DIAPH3: variants seen among roughly 807,000 people sequenced by gnomAD.
DIAPH3 encodes the protein diaphanous related formin 3, also known as protein diaphanous homolog 3.
Under a neutral mutation model 144.3 loss-of-function variants are expected in DIAPH3, and 117 were observed. The ratio of observed to expected loss-of-function variants is 0.81; its 90% CI spans 0.70 to 0.95. DIAPH3 has a LOEUF of 0.95. Ranked by LOEUF, DIAPH3 falls within the 40% of genes least tolerant of loss-of-function variation. The pLI, the probability that DIAPH3 is intolerant of heterozygous loss-of-function variation, is 0.00. For missense variants in DIAPH3, 1,421 were observed against 1,412.7 expected (o/e 1.01, Z -0.09); for synonymous variants, 519 against 488.9 (o/e 1.06, Z -0.81).
intron 27 of DIAPH3, among the ~76,000 whole-genome samples, chr13:59,668,348 C>G (rs764232332): frequency 5.9e-5 from 9 of 152,178 alleles, no homozygotes; most frequent in Non-Finnish European, 1.3e-4. Context: ...CTGCTCCTTC[C>G]CCAAAATGTT....
chr13:59,990,679 C>T (rs1296329036), intron 12 of DIAPH3, among the ~76,000 whole-genome samples: 1 of 151,870 alleles, frequency 6.6e-6, no homozygotes, highest in African/African-American at 2.4e-5. Flanking sequence ...TTGTTAACCT[C>T]AGATGGCTAG....
At chr13:59,974,570 G>A (rs975885095) in intron 14 of DIAPH3, 114 bp from the exon 15 acceptor site, 1 of 951,540 alleles carries the variant, frequency 1.1e-6, no homozygotes, top group African/African-American at 1.7e-5. Flanking sequence ...TTCCTGAATT[G>A]GTTTTATGAA....
chr13:59,789,061 C>T (rs151120720), intron 25 of DIAPH3, among the ~76,000 whole-genome samples: 3 of 152,268 alleles, frequency 2.0e-5, no homozygotes, highest in East Asian at 1.9e-4. Context: ...CTACCACAGT[C>T]GACCTTGTGT....
intron 24 of DIAPH3, among the ~76,000 whole-genome samples, chr13:59,826,088 T>A (rs1238198422): frequency 2.0e-5 from 3 of 152,064 alleles, no homozygotes; most frequent in South Asian, 2.1e-4. Flanking sequence ...TGAATGGGAA[T>A]AAACTGGAAG....
At chr13:60,082,930 T>C (rs1161264498) in intron 4 of DIAPH3, among the ~76,000 whole-genome samples, 1 of 152,098 alleles carries the variant, frequency 6.6e-6, no homozygotes, top group African/African-American at 2.4e-5. Context: ...AAATAAAAAC[T>C]TTTTACATAC....
At position 59,970,012 on chromosome 13, in the gene DIAPH3, T is replaced by A. The variant is rs1284612057; in HGVS notation, c.2006A>T (p.Asn669Ile). 1 of 1,609,134 alleles carries A rather than the reference T, an allele frequency of 6.2e-7. No homozygotes were observed. Among genetic ancestry groups the A allele is most frequent in the Admixed American group, 1.7e-5 (1 of 59,748 alleles). ...ATCCACGTTTTCATACTTATTTTCA[T>A]TTACTTTTATCCAGAAACAGTTTTC... ...MTENCFWIKV[N>I]ENKYENVDLL... is the part of the protein sequence containing the mutation. Residue 669 changes from asparagine to isoleucine, a missense_variant, in exon 17 of 28, where the codon AAT (asparagine) becomes ATT (isoleucine). Coordinates refer to ENST00000400324, the MANE Select transcript of DIAPH3 (RefSeq NM_001042517.2).
chr13:59,846,568 A>G (rs1260312902), intron 22 of DIAPH3, among the ~76,000 whole-genome samples: 1 of 152,180 alleles, frequency 6.6e-6, no homozygotes, highest in Non-Finnish European at 1.5e-5. Flanking sequence ...AAGTTAAAAT[A>G]ATAAAATTGT....
intron 27 of DIAPH3, among the ~76,000 whole-genome samples, chr13:59,690,450 C>G (rs2033449676): frequency 6.6e-6 from 1 of 152,060 alleles, no homozygotes; most frequent in Non-Finnish European, 1.5e-5. Context: ...ATAATTTGCC[C>G]TAGACTGCAT....
chr13:59,794,601 C>T (rs552625380), intron 25 of DIAPH3, among the ~76,000 whole-genome samples: 1 of 151,954 alleles, frequency 6.6e-6, no homozygotes, highest in African/African-American at 2.4e-5. Flanking sequence ...TTTTTTTCTT[C>T]AATGCCACAT....
At chr13:60,040,581 T>C (rs999724944) in intron 5 of DIAPH3, among the ~76,000 whole-genome samples, 3 of 152,150 alleles carry the variant, frequency 2.0e-5, no homozygotes, top group African/African-American at 7.2e-5. Context: ...ACATCTACTT[T>C]TGAGTAGATG....
intron 4 of DIAPH3, among the ~76,000 whole-genome samples, chr13:60,064,562 G>A (rs1276181846): frequency 6.6e-6 from 1 of 152,164 alleles, no homozygotes; most frequent in Non-Finnish European, 1.5e-5. Context: ...TCATAAAACT[G>A]AAGAGAGTTA....
At chr13:60,047,359 A>T (rs2056124749) in intron 4 of DIAPH3, among the ~76,000 whole-genome samples, 1 of 152,184 alleles carries the variant, frequency 6.6e-6, no homozygotes, top group African/African-American at 2.4e-5. Flanking sequence ...TCTAAAATTT[A>T]TATGAAAATA....
intron 22 of DIAPH3, among the ~76,000 whole-genome samples, chr13:59,852,494 C>T (rs2043032855): frequency 6.6e-6 from 1 of 152,230 alleles, no homozygotes; most frequent in Admixed American, 6.5e-5. Flanking sequence ...ACTAGAACTC[C>T]GTTTTCAAAA....
At chr13:59,901,113 C>T (rs1292613547) in intron 20 of DIAPH3, among the ~76,000 whole-genome samples, 1 of 152,162 alleles carries the variant, frequency 6.6e-6, no homozygotes, top group African/African-American at 2.4e-5. Flanking sequence ...TAATTATATT[C>T]CTCACCTCAC....
At chr13:59,769,654 C>A (rs775673916) in intron 27 of DIAPH3, among the ~76,000 whole-genome samples, 2 of 151,858 alleles carry the variant, frequency 1.3e-5, no homozygotes, top group African/African-American at 4.8e-5. Flanking sequence ...ATCCCTCCCT[C>A]TCACTTACAC....
chr13:60,089,624 GC>G (rs2057864974), intron 4 of DIAPH3, among the ~76,000 whole-genome samples: 1 of 152,060 alleles, frequency 6.6e-6, no homozygotes, highest in Non-Finnish European at 1.5e-5. Context: ...TGCTATCAAG[GC>G]CTTTACCACT....
chr13:60,031,643 C>T (rs748729528), intron 5 of DIAPH3, among the ~76,000 whole-genome samples: 6 of 148,600 alleles, frequency 4.0e-5, no homozygotes, highest in Admixed American at 4.0e-4. Flanking sequence ...ATTAGGTAAA[C>T]ATTCCCATTC....
chr13:60,012,206 T>C (rs1003854013), intron 7 of DIAPH3, among the ~76,000 whole-genome samples: 2 of 152,208 alleles, frequency 1.3e-5, no homozygotes, highest in East Asian at 3.8e-4. Context: ...TGGCCATTTA[T>C]GCAAAGAAAC....
chr13:60,107,574 G>A (rs1170329008), intron 3 of DIAPH3, among the ~76,000 whole-genome samples: 2 of 152,070 alleles, frequency 1.3e-5, no homozygotes, highest in African/African-American at 4.8e-5. Context: ...ACACTGAAAA[G>A]CCAATGTATG....
Sources: gnomAD v4.1 joint callset for allele counts (sites outside exome capture counted in the v4.1 genomes callset) on GRCh38, gnomAD v4.1.1 for gene constraint, MANE v1.5 for transcripts, NCBI Gene and HGNC (gene_info 2026-07-23, HGNC 2026-07-21) for gene names.